Variants in TMEM132D observed in about 807,000 individuals in gnomAD.
TMEM132D encodes transmembrane protein 132D.
TMEM132D carries 21 observed loss-of-function variants against 62.3 expected under a neutral mutation model. The observed-to-expected ratio is 0.34, with a 90% CI of 0.24 to 0.49. The LOEUF is 0.49. Among genes scored for constraint, TMEM132D ranks in the 20% least tolerant of loss-of-function variants. The pLI is 0.99. For missense variants in TMEM132D, 1,346 were observed against 1,402.8 expected (o/e 0.96, Z 0.65); for synonymous variants, 621 against 575.6 (o/e 1.08, Z -1.13).
At chr12:129,416,445 T>A (rs1414801601) in intron 3 of TMEM132D, among the ~76,000 whole-genome samples, 2 of 152,076 alleles carry the variant, frequency 1.3e-5, no homozygotes, top group Non-Finnish European at 2.9e-5. Context: ...GCTTAAGGAG[T>A]TTTTGGGCTG....
At position 129,371,049 on chromosome 12, in the gene TMEM132D, CA is replaced by C. The variant is rs538606575; in HGVS notation, c.1116-33233del. Among the ~76,000 whole-genome samples, 1 of 152,032 alleles carries C rather than the reference CA, an allele frequency of 6.6e-6. No individual in the cohort carries two copies. Among genetic ancestry groups the C allele is most frequent in the Non-Finnish European group, 1.5e-5 (1 of 67,990 alleles). On this transcript the variant is annotated intron_variant, in intron 3 of 8. Transcript: ENST00000422113. This position sits in a 1 kb window ranked among gnomAD's most constrained non-coding sequence, Gnocchi z 4.3. ...GAGAAGAATTGTAACATTCTCAACACAAAAAACAGATAAATATTTGATGTGA... is the reference window on the plus strand; with the variant it reads ...GAGAAGAATTGTAACATTCTCAACACAAAAACAGATAAATATTTGATGTGA...
At chr12:129,742,218 T>A (rs952377284) in intron 1 of TMEM132D, among the ~76,000 whole-genome samples, 2 of 152,190 alleles carry the variant, frequency 1.3e-5, no homozygotes, top group African/African-American at 4.8e-5. Flanking sequence ...TAGCTGAGAC[T>A]GAGTAATTTA....
At chr12:129,632,440 CTT>C (rs1879373603) in intron 2 of TMEM132D, among the ~76,000 whole-genome samples, 1 of 152,196 alleles carries the variant, frequency 6.6e-6, no homozygotes, top group Admixed American at 6.5e-5. Flanking sequence ...TCATGACCCT[CTT>C]TTTTGCTTCC....
chr12:129,285,100 T>C (rs541276224), intron 4 of TMEM132D, among the ~76,000 whole-genome samples: 6 of 152,114 alleles, frequency 3.9e-5, no homozygotes, highest in Admixed American at 2.0e-4. Flanking sequence ...GCAATGGAGG[T>C]TTTTTCCTAT....
intron 1 of TMEM132D, among the ~76,000 whole-genome samples, chr12:129,885,426 A>G (rs1023784556): frequency 1.3e-5 from 2 of 152,240 alleles, no homozygotes; most frequent in African/African-American, 4.8e-5. Flanking sequence ...CCTTGATTGC[A>G]TATCAGAATC....
At position 129,828,925 on chromosome 12, in the gene TMEM132D, G is replaced by A. The variant is rs554857383; in HGVS notation, c.79+74336C>T. 3.3e-5 allele frequency among the ~76,000 whole-genome samples: 5 copies of A among 151,864 alleles called. No homozygotes were observed. The South Asian group carries it at 8.3e-4, about 25-fold the overall frequency. ...TCCCAGAGCCATCTGCACCTTGCCT[G>A]TGAAAGAGGTGGAAGGGTATAAAGC... On this transcript the variant is annotated intron_variant, in intron 1 of 8. Coordinates refer to ENST00000422113, the MANE Select transcript of TMEM132D (RefSeq NM_133448.3).
At chr12:129,498,502 C>T (rs1875031534) in intron 3 of TMEM132D, among the ~76,000 whole-genome samples, 1 of 152,064 alleles carries the variant, frequency 6.6e-6, no homozygotes, top group Non-Finnish European at 1.5e-5. Context: ...GATCCACCCG[C>T]CTCAGCCTCC....
chr12:129,448,677 AGTG>A (rs1873179444), intron 3 of TMEM132D, among the ~76,000 whole-genome samples: 1 of 152,230 alleles, frequency 6.6e-6, no homozygotes, highest in Admixed American at 6.5e-5. Flanking sequence ...TATAATAAAT[AGTG>A]AAGTACATTT....
chr12:129,251,053 C>T (rs1880249454), intron 4 of TMEM132D, among the ~76,000 whole-genome samples: 1 of 152,096 alleles, frequency 6.6e-6, no homozygotes, highest in Non-Finnish European at 1.5e-5. Context: ...TTTGGAAACA[C>T]TGAGCAAGAC....
intron 1 of TMEM132D, among the ~76,000 whole-genome samples, chr12:129,723,370 C>T (rs1391296447): frequency 1.3e-5 from 2 of 152,198 alleles, no homozygotes; most frequent in African/African-American, 4.8e-5. Context: ...TGCAGTCGCT[C>T]TCTCTGCCCC....
chr12:129,157,778 C>T (rs989994807), intron 5 of TMEM132D, among the ~76,000 whole-genome samples: 1 of 152,120 alleles, frequency 6.6e-6, no homozygotes. Context: ...CTTTGATAAT[C>T]GTAATTAATC....
At chr12:129,314,670 T>C (rs767274461) in intron 4 of TMEM132D, among the ~76,000 whole-genome samples, 7 of 152,182 alleles carry the variant, frequency 4.6e-5, no homozygotes, top group African/African-American at 7.2e-5. Flanking sequence ...GCTGGTGGTA[T>C]TTTGATGGAG....
intron 2 of TMEM132D, among the ~76,000 whole-genome samples, chr12:129,641,473 A>G (rs570720210): frequency 5.9e-5 from 9 of 152,282 alleles, no homozygotes; most frequent in African/African-American, 1.9e-4. Context: ...CCTGAAAGCA[A>G]CAGAAGGCTG....
chr12:129,724,112 G>T (rs1868941146), intron 1 of TMEM132D, among the ~76,000 whole-genome samples: 1 of 152,196 alleles, frequency 6.6e-6, no homozygotes. Flanking sequence ...TTGAGTAGAA[G>T]GCACATTTGA....
intron 1 of TMEM132D, among the ~76,000 whole-genome samples, chr12:129,851,315 A>C (rs924591738): frequency 6.6e-6 from 1 of 152,182 alleles, no homozygotes; most frequent in African/African-American, 2.4e-5. Flanking sequence ...GAATTTTAAA[A>C]TCTCCTAGCT....
At chr12:129,748,434 G>C (rs1869888507) in intron 1 of TMEM132D, among the ~76,000 whole-genome samples, 1 of 152,176 alleles carries the variant, frequency 6.6e-6, no homozygotes, top group South Asian at 2.1e-4. Context: ...GAGGATGTGA[G>C]AGAGGGAGCA....
chr12:129,107,266 A>G (rs1017178924), intron 5 of TMEM132D, among the ~76,000 whole-genome samples: 1 of 152,230 alleles, frequency 6.6e-6, no homozygotes, highest in African/African-American at 2.4e-5. Flanking sequence ...ATGCTAAATG[A>G]ATGTTTTAAA....
chr12:129,113,132 T>C (rs745813286), intron 5 of TMEM132D: 1 of 152,248 alleles, frequency 6.6e-6, no homozygotes, highest in African/African-American at 2.4e-5. Flanking sequence ...TTCAAGATCA[T>C]GGCATCTGGA....
intron 5 of TMEM132D, among the ~76,000 whole-genome samples, chr12:129,189,347 G>A (rs1219742043): frequency 6.6e-6 from 1 of 152,172 alleles, no homozygotes; most frequent in African/African-American, 2.4e-5. Flanking sequence ...ATGACAGGCT[G>A]ATGGGAAAGC....
Sources: gnomAD v4.1 joint callset for allele counts (sites outside exome capture counted in the v4.1 genomes callset) on GRCh38, gnomAD v4.1.1 for gene constraint, Gnocchi (gnomAD v3.1) non-coding constraint, MANE v1.5 for transcripts, NCBI Gene and HGNC (gene_info 2026-07-23, HGNC 2026-07-21) for gene names.